Variants in PTPRN observed in about 807,000 individuals in gnomAD.
The protein encoded by PTPRN is receptor-type tyrosine-protein phosphatase-like N.
PTPRN carries 70 observed loss-of-function variants against 108.5 expected under a neutral mutation model. The observed-to-expected ratio is 0.65, with a 90% confidence interval of 0.53 to 0.79. The LOEUF is 0.79. PTPRN is among the 30% of genes least tolerant of loss of function. The probability of loss-of-function intolerance (pLI) is 0.00; values close to 1 mark genes in which losing one functional copy is unlikely to be tolerated. For synonymous variants in PTPRN, 496 were observed against 524.6 expected (o/e 0.95, Z 0.75); for missense variants, 1,136 against 1,295.5 (o/e 0.88, Z 1.89).
chr2:219,290,327 G>A lies in PTPRN; in HGVS notation c.2869-30C>T, dbSNP rs964271186. ...GGAAGGGCAGTGGTAGGATGGTCATGGAGAGGGCTGACCTGTGCTCTGCCC... is the reference window on the plus strand; with the variant it reads ...GGAAGGGCAGTGGTAGGATGGTCATAGAGAGGGCTGACCTGTGCTCTGCCC... On this transcript the variant is annotated intron_variant, in intron 22 of 22. Transcript: ENST00000295718. This position sits in a 1 kb window ranked among gnomAD's most constrained non-coding sequence, Gnocchi z 4.2. 2 of 1,602,574 alleles carry A rather than the reference G, an allele frequency of 1.2e-6. No homozygotes were observed. Among genetic ancestry groups the A allele is most frequent in the Non-Finnish European group, 8.5e-7 (1 of 1,170,848 alleles).
At chr2:219,292,667 AT>A (rs1219778821) in intron 19 of PTPRN, 1 of 152,144 alleles carries the variant, frequency 6.6e-6, no homozygotes, top group Non-Finnish European at 1.5e-5. Context: ...CTTACACTAG[AT>A]TTTACATACT....
chr2:219,301,680 T>C lies in PTPRN; in HGVS notation c.1034A>G (p.Tyr345Cys). 6 of 1,613,106 alleles carry C rather than the reference T, an allele frequency of 3.7e-6. No homozygotes were observed. The highest frequency in any genetic ancestry group is 5.1e-6 in the Non-Finnish European group (6 of 1,179,170). ...GGTCAGCTGACGCAGCTCTACCCCA[T>C]AGCCCGCCAGCACAGCGGCCAGCCT... ...LQRLAAVLAG[Y>C]GVELRQLTPE... Residue 345 changes from tyrosine to cysteine, a missense_variant, in exon 7 of 23, where the codon TAT becomes TGT. Transcript: ENST00000295718.
In PTPRN at chr2:219,299,326, C is replaced by G. The variant is rs756933358; in HGVS notation, c.1582G>C (p.Ala528Pro). The change falls in exon 11 of 23, where the codon GCT (alanine) becomes CCT (proline). Residue 528 changes from alanine to proline, a missense_variant. Coordinates refer to ENST00000295718, the MANE Select transcript of PTPRN (RefSeq NM_002846.4). ...IRHNEQNLSLADVTQQAGLVK... is the reference protein window; with the variant it reads ...IRHNEQNLSLPDVTQQAGLVK... ...TTACCTGCTTGTTGGGTCACATCAG[C>G]CAAAGACAGGTTCTGCTCATTGTGC... 1 of 1,614,262 alleles carries G rather than the reference C, an allele frequency of 6.2e-7. No homozygotes were observed. Among genetic ancestry groups the G allele is most frequent in the East Asian group, 2.2e-5 (1 of 44,886 alleles).
In PTPRN at chr2:219,291,026, A is replaced by G. The variant is rs1952042857; in HGVS notation, c.2730-136T>C. The G allele has an allele frequency of 7.4e-5, 59 of 794,008 alleles. 2 individuals are homozygous for G. In the South Asian group the frequency reaches 8.3e-4, roughly 11 times the overall value. The allele number at this position is 794,008 out of a possible 1,614,324, so 49.2% of individuals were successfully genotyped here. On this transcript the variant is annotated intron_variant, in intron 20 of 22. Coordinates refer to ENST00000295718, the MANE Select transcript of PTPRN (RefSeq NM_002846.4). ...CGTTGGGGTTGGCTTGGAGAGGGAC[A>G]GTGAGCCGAGGATGAAGGAAAGCTC...
At chr2:219,295,319 G>T in intron 18 of PTPRN, 178 bp from the exon 19 acceptor site, 2 of 612,550 alleles carry the variant, frequency 3.3e-6, no homozygotes. Flanking sequence ...CTACTGCTCA[G>T]GACCACTAGT....
At position 219,301,612 on chromosome 2, in the gene PTPRN, G is replaced by C. The variant is rs764023528; in HGVS notation, c.1102C>G (p.Pro368Ala). ...CCCGGATTTCTTCCTGCACCCTTGG[G>C]CAGTAGCTGCAGCAGGGTCAGGAGT... The part of the protein sequence containing the change: ...STLLTLLQLL[P>A]KGAGRNPGGV... The change falls in exon 7 of 23, where the codon CCC (proline) becomes GCC (alanine). Residue 368 changes from proline (P) to alanine (A), a missense_variant. Physicochemically the swap from Pro to Ala is conservative, Grantham distance 27 (BLOSUM62 -1). Coordinates refer to ENST00000295718, the MANE Select transcript of PTPRN (RefSeq NM_002846.4). 1.9e-6 allele frequency: 3 copies of C among 1,612,360 alleles called. No homozygotes were observed. The highest frequency in any genetic ancestry group is 1.7e-5 in the Admixed American group (1 of 60,004).
At chr2:219,299,512 A>G in intron 10 of PTPRN, 128 bp from the exon 11 acceptor site, 1 of 1,213,118 alleles carries the variant, frequency 8.2e-7, no homozygotes, top group Non-Finnish European at 1.2e-6. Context: ...CTACAGGGGC[A>G]TCTTAGGCAA....
At position 219,301,273 on chromosome 2, in the gene PTPRN, C is replaced by A. The variant is rs139558364; in HGVS notation, c.1127-296G>T. ...ATCAATTACTGGCTTCTTCTTAGTA[C>A]TGGCTATGCCCGTTTTTAGGCCCTC... On this transcript the variant is annotated intron_variant, in intron 7 of 22. Transcript: ENST00000295718. Among the ~76,000 whole-genome samples, 152 of 152,302 alleles carry A rather than the reference C, an allele frequency of 1.0e-3. 1 individual carries two copies. In the East Asian group the frequency reaches 0.026, roughly 26 times the overall value.
chr2:219,294,949 C>T (rs747648810), intron 19 of PTPRN, 26 bp downstream of exon 19: 18 of 1,526,782 alleles, frequency 1.2e-5, no homozygotes. Context: ...CATGCGGTCC[C>T]TCCAGGCGGG....
intron 20 of PTPRN, 105 bp downstream of exon 20, chr2:219,291,365 G>C (rs1383314340): frequency 2.4e-6 from 3 of 1,261,678 alleles, no homozygotes; most frequent in Non-Finnish European, 3.5e-6. Flanking sequence ...TGCTGGATTT[G>C]GACTATGCCT....
At position 219,307,832 on chromosome 2, in the gene PTPRN, A is replaced by C; in HGVS notation, c.126T>G (p.Phe42Leu). The C allele has an allele frequency of 1.9e-6, 3 of 1,614,226 alleles. No individual in the cohort carries two copies. The highest frequency in any genetic ancestry group is 1.7e-4 in the Middle Eastern group (1 of 6,058). The change falls in exon 2 of 23, where the codon TTT becomes TTG. Residue 42 changes from phenylalanine (F) to leucine (L), a missense_variant. Phe to Leu is a conservative substitution (Grantham distance 22). Coordinates refer to ENST00000295718, the MANE Select transcript of PTPRN (RefSeq NM_002846.4). ...CCAGGTGAGAGCAGAGCCTGCGGTCAAATAGACAGCCTGTAGAGGAAAAGG... is the reference window on the plus strand; with the variant it reads ...CCAGGTGAGAGCAGAGCCTGCGGTCCAATAGACAGCCTGTAGAGGAAAAGG... ...CSAVSAHGCL[F>L]DRRLCSHLEV...
Position 219,302,192 on chromosome 2 carries a change from C to T in PTPRN, c.939G>A (p.Glu313=). 6.2e-7 allele frequency: 1 copy of T among 1,610,916 alleles called. No homozygotes were observed. The highest frequency in any genetic ancestry group is 8.5e-7 in the Non-Finnish European group (1 of 1,177,480). The change falls in exon 6 of 23, where the codon GAG becomes GAA. Residue 313 remains glutamate (E), a synonymous_variant. Coordinates refer to ENST00000295718, the MANE Select transcript of PTPRN (RefSeq NM_002846.4). ...CTCCACGATCCCCTAGTCCTTCCTT[C>T]TCATAGCCCTCTGGGGAGTCCTCTG... The part of the protein sequence containing the change: ...SRAEDSPEGY[E]KEGLGDRGEK...
Position 219,300,206 on chromosome 2 carries a change from T to A in PTPRN, c.1215A>T (p.Thr405=). 6.2e-7 allele frequency: 1 copy of A among 1,605,404 alleles called. No homozygotes were observed. Among genetic ancestry groups the A allele is most frequent in the Non-Finnish European group, 8.5e-7 (1 of 1,175,120 alleles). Residue 405 remains threonine, a synonymous_variant, in exon 9 of 23, where the codon ACA becomes ACT. Transcript: ENST00000295718. ...CAGTGGGGTGTCCAGGCATGGGGGA[T>A]GTGCGGGCTGGAAGCTCTGCTGTGT... The part of the protein sequence containing the change: ...GRDTAELPAR[T]SPMPGHPTAS...
chr2:219,307,832 A>G lies in PTPRN; in HGVS notation c.126T>C (p.Phe42=), dbSNP rs1952522447. ...CCAGGTGAGAGCAGAGCCTGCGGTC[A>G]AATAGACAGCCTGTAGAGGAAAAGG... is the stretch of plus-strand genomic sequence containing the variant. The part of the protein sequence containing the change: ...CSAVSAHGCL[F]DRRLCSHLEV... Residue 42 remains phenylalanine, a synonymous_variant, in exon 2 of 23, where the codon TTT becomes TTC. Coordinates refer to ENST00000295718, the MANE Select transcript of PTPRN (RefSeq NM_002846.4). The G allele has an allele frequency of 1.2e-6, 2 of 1,614,226 alleles. No homozygotes were observed. Among genetic ancestry groups the G allele is most frequent in the Non-Finnish European group, 1.7e-6 (2 of 1,180,032 alleles).
Position 219,296,833 on chromosome 2 carries a change from C to G in PTPRN, c.2237-11G>C. 1 of 1,614,068 alleles carries G rather than the reference C, an allele frequency of 6.2e-7. No homozygotes were observed. Among genetic ancestry groups the G allele is most frequent in the Admixed American group, 1.7e-5 (1 of 60,016 alleles). ...TGCGGGCATGGTCATCTGCACAGAC[C>G]CGACACCCCACCCCAGATGGCCCTC... On this transcript the variant is annotated splice_polypyrimidine_tract_variant and intron_variant, in intron 15 of 22. Transcript: ENST00000295718. This position sits in a 1 kb window ranked among gnomAD's most constrained non-coding sequence, Gnocchi z 6.0.
chr2:219,298,207 G>A, intron 12 of PTPRN, 104 bp from the exon 13 acceptor site: 3 of 1,146,744 alleles, frequency 2.6e-6, no homozygotes, highest in Non-Finnish European at 3.8e-6. Flanking sequence ...GACATCTCCT[G>A]GGGCAAAGCT....
In PTPRN at chr2:219,290,599, A is replaced by G; in HGVS notation, c.2807T>C (p.Ile936Thr). Reference protein sequence around the residue: ...LNRMAKGVKEIDIAATLEHVR... With the variant: ...LNRMAKGVKETDIAATLEHVR... ...ATGCTCCAGGGTGGCAGCGATGTCA[A>G]TCTCCTTCACTCCTGGAGATGGAGG... The change falls in exon 22 of 23, where the codon ATT (isoleucine) becomes ACT (threonine). Residue 936 changes from isoleucine (I) to threonine (T), a missense_variant. Ile to Thr is a moderately conservative substitution (Grantham distance 89). Coordinates refer to ENST00000295718, the MANE Select transcript of PTPRN (RefSeq NM_002846.4). This position sits in a 1 kb window ranked among gnomAD's most constrained non-coding sequence, Gnocchi z 4.2. 4 of 1,551,808 alleles carry G rather than the reference A, an allele frequency of 2.6e-6. No homozygotes were observed. Among genetic ancestry groups the G allele is most frequent in the Non-Finnish European group, 3.5e-6 (4 of 1,147,032 alleles).
rs767110526 is a variant in PTPRN, at chr2:219,298,171, CG to C, written c.1669-69del. ...GAGGTTTCAGAGCTGCTCCTCACCC[CG>C]GTCCCATGCCACACCCCCTGTTAGG... On this transcript the variant is annotated intron_variant, in intron 12 of 22. Coordinates refer to ENST00000295718, the MANE Select transcript of PTPRN (RefSeq NM_002846.4). 3.8e-4 allele frequency: 564 copies of C among 1,471,908 alleles called. 1 individual carries two copies. Among genetic ancestry groups the C allele is most frequent in the Non-Finnish European group, 5.1e-4 (542 of 1,070,452 alleles). 91.2% of individuals were successfully genotyped at this position (1,471,908 alleles called of 1,614,324 possible).
chr2:219,291,015 T>G, intron 20 of PTPRN, 125 bp from the exon 21 acceptor site: 1 of 895,686 alleles, frequency 1.1e-6, no homozygotes, highest in Non-Finnish European at 1.8e-6. Context: ...GGGGTTGGCT[T>G]GGAGAGGGAC....
Sources: gnomAD v4.1 joint callset for allele counts (sites outside exome capture counted in the v4.1 genomes callset) on GRCh38, gnomAD v4.1.1 for gene constraint, Gnocchi (gnomAD v3.1) non-coding constraint, MANE v1.5 for transcripts, NCBI Gene and HGNC (gene_info 2026-07-23, HGNC 2026-07-21) for gene names.